PRKAR1B: variants seen among roughly 807,000 people sequenced by gnomAD.
PRKAR1B encodes the protein protein kinase cAMP-dependent type I regulatory subunit beta, also known as cAMP-dependent protein kinase type I-beta regulatory subunit.
PRKAR1B carries 22 observed loss-of-function variants against 46.5 expected under a neutral mutation model. The observed-to-expected ratio is 0.47, with a 90% CI of 0.34 to 0.68. The LOEUF is 0.68. Among genes scored for constraint, PRKAR1B ranks in the 30% least tolerant of loss-of-function variants. The pLI is 0.01. For missense variants in PRKAR1B, 445 were observed against 535.6 expected, an observed-to-expected ratio of 0.83 and a Z score of 1.67; for synonymous variants, 259 against 217.7, an observed-to-expected ratio of 1.19 and a Z score of -1.67.
At position 722,229 on chromosome 7, in the gene PRKAR1B, G is replaced by A. The variant is rs532994333; in HGVS notation, c.-23+4981C>T. On this transcript the variant is annotated intron_variant, in intron 1 of 10. Transcript: ENST00000537384. ...AATTCTCGTGCCTCAGCCTCCCCGA[G>A]TAGCTGGGATTACAGGTACCCACCA... 9.2e-5 allele frequency among the ~76,000 whole-genome samples: 14 copies of A among 151,432 alleles called. No individual in the cohort carries two copies. The South Asian group carries it at 2.9e-3, about 32-fold the overall frequency.
intron 2 of PRKAR1B, among the ~76,000 whole-genome samples, chr7:683,601 C>A (rs1322452844): frequency 6.6e-6 from 1 of 152,248 alleles, no homozygotes; most frequent in Non-Finnish European, 1.5e-5. Context: ...TGAATGCCAG[C>A]CGCCATCCAT....
upstream of PRKAR1B, chr7:727,408 C>A: frequency 1.7e-6 from 1 of 597,716 alleles, no homozygotes; most frequent in Non-Finnish European, 2.2e-6. Flanking sequence ...CGCGGCTCGG[C>A]CCCGCCCCCC....
chr7:638,606 T>C (rs1478615664), intron 4 of PRKAR1B, among the ~76,000 whole-genome samples: 1 of 152,124 alleles, frequency 6.6e-6, no homozygotes, highest in African/African-American at 2.4e-5. Context: ...GTAATGACAT[T>C]GAAAGGAATG....
chr7:720,034 G>C (rs1049577251), intron 1 of PRKAR1B, among the ~76,000 whole-genome samples: 3 of 151,348 alleles, frequency 2.0e-5, no homozygotes, highest in Non-Finnish European at 4.4e-5. Flanking sequence ...TGTCAGAGAA[G>C]GCGTTCTGTG....
chr7:606,638 G>A (rs528212643), intron 5 of PRKAR1B, among the ~76,000 whole-genome samples: 11 of 152,008 alleles, frequency 7.2e-5, no homozygotes, highest in Admixed American at 7.2e-4. Flanking sequence ...AGTAGAGATG[G>A]AGTTTCACCA....
At chr7:645,188 C>T (rs1181564352) in intron 4 of PRKAR1B, among the ~76,000 whole-genome samples, 1 of 152,144 alleles carries the variant, frequency 6.6e-6, no homozygotes, top group Non-Finnish European at 1.5e-5. Flanking sequence ...GCATGAGAAC[C>T]CGGCCTGCAG....
At position 670,580 on chromosome 7, in the gene PRKAR1B, G is replaced by A. The variant is rs1055016553; in HGVS notation, c.440+6649C>T. 3.4e-5 allele frequency among the ~76,000 whole-genome samples: 5 copies of A among 148,488 alleles called. No homozygotes were observed. The East Asian group carries it at 6.2e-4, about 18-fold the overall frequency. On this transcript the variant is annotated intron_variant, in intron 4 of 10. Transcript: ENST00000537384. ...GGGCTCAGGACCGAGGACGGCCTCC[G>A]AGCTCCCCCATGCCACAGCATCCAG...
chr7:617,368 C>T (rs928213240), intron 4 of PRKAR1B, among the ~76,000 whole-genome samples: 2 of 149,156 alleles, frequency 1.3e-5, no homozygotes, highest in Non-Finnish European at 3.0e-5. Flanking sequence ...GCAGTGGTAG[C>T]ATCACAGCTC....
At chr7:620,479 C>T (rs993053069) in intron 4 of PRKAR1B, among the ~76,000 whole-genome samples, 1 of 152,208 alleles carries the variant, frequency 6.6e-6, no homozygotes, top group Non-Finnish European at 1.5e-5. Flanking sequence ...TCCCTGCACC[C>T]ACCCAGCCCC....
chr7:570,423 C>G (rs1413023162), intron 9 of PRKAR1B, among the ~76,000 whole-genome samples: 1 of 152,182 alleles, frequency 6.6e-6, no homozygotes, highest in African/African-American at 2.4e-5. Context: ...TCCGCTCTTG[C>G]GTAGCCTCGC....
chr7:679,948 G>T (rs1428079849), intron 3 of PRKAR1B, among the ~76,000 whole-genome samples: 1 of 152,100 alleles, frequency 6.6e-6, no homozygotes, highest in Non-Finnish European at 1.5e-5. Flanking sequence ...CACAAGGTCA[G>T]GAGATTGAGA....
At position 569,811 on chromosome 7, in the gene PRKAR1B, T is replaced by A. The variant is rs544707494; in HGVS notation, c.891+9445A>T. ...ACCGAGGAAGCTCTCACACCCGTAA[T>A]GACCCTGGCCAGTGAGCCCGCAGAC... On this transcript the variant is annotated intron_variant, in intron 9 of 10. Coordinates refer to ENST00000537384, the MANE Select transcript of PRKAR1B (RefSeq NM_001164760.2). Among the ~76,000 whole-genome samples the A allele has an allele frequency of 7.9e-5, 12 of 152,238 alleles. No homozygotes were observed. In the South Asian group the frequency reaches 2.3e-3, roughly 29 times the overall value.
rs1781096396 is a variant in PRKAR1B at position 593,413 on chromosome 7, C to T, written c.708+2733G>A. Among the ~76,000 whole-genome samples the T allele has an allele frequency of 6.6e-6, 1 of 152,218 alleles. No individual in the cohort carries two copies. The highest frequency in any genetic ancestry group is 1.5e-5 in the Non-Finnish European group (1 of 68,044). On this transcript the variant is annotated intron_variant, in intron 7 of 10. Transcript: ENST00000537384. This position sits in a 1 kb window ranked among gnomAD's most constrained non-coding sequence, Gnocchi z 6.1. ...AATGCTCCCGTCCAAACCAGCCCGG[C>T]GCGGCCAGCTATTCTTAGCGCACAG...
At chr7:609,555 C>T (rs916230624) in intron 4 of PRKAR1B, among the ~76,000 whole-genome samples, 4 of 152,176 alleles carry the variant, frequency 2.6e-5, no homozygotes, top group Admixed American at 1.3e-4. Context: ...CATGGGCATC[C>T]GTGACCACAC....
At chr7:677,138 A>C in intron 4 of PRKAR1B, 91 bp downstream of exon 4, 1 of 1,183,202 alleles carries the variant, frequency 8.5e-7, no homozygotes, top group Middle Eastern at 2.0e-4. Flanking sequence ...GGAGGGAGGC[A>C]GTGATGCCCA....
At chr7:638,938 TGTG>T (rs201312488) in intron 4 of PRKAR1B, among the ~76,000 whole-genome samples, 4,137 of 152,056 alleles carry the variant, frequency 0.027, 62 homozygotes, top group African/African-American at 0.031. Flanking sequence ...ATTATCCAGA[TGTG>T]GTGGTGGGCA....
At chr7:630,153 G>T (rs1014573391) in intron 4 of PRKAR1B, among the ~76,000 whole-genome samples, 6 of 152,238 alleles carry the variant, frequency 3.9e-5, no homozygotes, top group African/African-American at 1.4e-4. Context: ...GAGCGCAGTG[G>T]AAGAGCCAGG....
intron 2 of PRKAR1B, among the ~76,000 whole-genome samples, chr7:706,806 C>G (rs1470508048): frequency 1.3e-5 from 2 of 152,154 alleles, no homozygotes; most frequent in Non-Finnish European, 2.9e-5. Flanking sequence ...AGGCCCAGCC[C>G]GGACGGCACT....
At chr7:594,737 A>G (rs555967655) in intron 7 of PRKAR1B, among the ~76,000 whole-genome samples, 1 of 151,514 alleles carries the variant, frequency 6.6e-6, no homozygotes, top group Non-Finnish European at 1.5e-5. Flanking sequence ...CCCAAACCAT[A>G]AGGGGACCCC....
Sources: gnomAD v4.1 joint callset for allele counts (sites outside exome capture counted in the v4.1 genomes callset) on GRCh38, gnomAD v4.1.1 for gene constraint, Gnocchi (gnomAD v3.1) non-coding constraint, MANE v1.5 for transcripts, NCBI Gene and HGNC (gene_info 2026-07-23, HGNC 2026-07-21) for gene names.